RNF157: variants seen among roughly 807,000 people sequenced by gnomAD.
RNF157 encodes E3 ubiquitin ligase RNF157.
RNF157 carries 55 observed loss-of-function variants against 88.3 expected under a neutral mutation model. The ratio of observed to expected loss-of-function variants is 0.62; its 90% CI spans 0.50 to 0.78. The LOEUF is 0.78. Among genes scored for constraint, RNF157 ranks in the 30% least tolerant of loss-of-function variants. RNF157 has a pLI of 0.00. For missense variants in RNF157, 788 were observed against 860.8 expected (o/e 0.92, Z 1.06); for synonymous variants, 334 against 341.2 (o/e 0.98, Z 0.23).
intron 2 of RNF157, among the ~76,000 whole-genome samples, chr17:76,201,852 G>A (rs2069584372): frequency 6.6e-6 from 1 of 151,818 alleles, no homozygotes; most frequent in Non-Finnish European, 1.5e-5. Flanking sequence ...CACTATAATG[G>A]CCATTAGATA....
At position 76,142,551 on chromosome 17, in the gene RNF157, G is replaced by A. The variant is rs1435730307; in HGVS notation, c.*2684C>T. The stretch of plus-strand genomic sequence containing the variant: ...ATATTGCATTCTTGATGTCCCCACT[G>A]TAGTGTGACCACAAGTGTACTCCAG... On this transcript the variant is annotated 3_prime_UTR_variant, in exon 19 of 19. Coordinates refer to ENST00000269391, the MANE Select transcript of RNF157 (RefSeq NM_052916.3). 1 of 152,278 alleles carries A rather than the reference G, an allele frequency of 6.6e-6. No individual in the cohort carries two copies. The highest frequency in any genetic ancestry group is 1.9e-4 in the East Asian group (1 of 5,200). 9.4% of individuals were successfully genotyped at this position (152,278 alleles called of 1,614,324 possible). A position where few individuals can be genotyped will look rare whatever the true frequency, so the allele number is the denominator to read the frequency against.
chr17:76,163,111 G>A (rs2068868959), intron 8 of RNF157: 1 of 153,696 alleles, frequency 6.5e-6, no homozygotes, highest in African/African-American at 2.4e-5. Flanking sequence ...TTGAGGGAGA[G>A]GCTAATGGTG....
At chr17:76,202,204 G>A (rs1283255244) in intron 2 of RNF157, among the ~76,000 whole-genome samples, 4 of 150,766 alleles carry the variant, frequency 2.7e-5, no homozygotes, top group Non-Finnish European at 5.9e-5. Flanking sequence ...CCCACCATGG[G>A]CTTTAGGCCT....
chr17:76,199,128 G>A (rs891883948), intron 2 of RNF157, among the ~76,000 whole-genome samples: 1 of 152,156 alleles, frequency 6.6e-6, no homozygotes, highest in African/African-American at 2.4e-5. Context: ...AGTGATTTGT[G>A]TAACAGAGAG....
In RNF157 at chr17:76,167,073, C is replaced by G; in HGVS notation, c.497G>C (p.Gly166Ala). 6.2e-7 allele frequency: 1 copy of G among 1,613,430 alleles called. No homozygotes were observed. The highest frequency in any genetic ancestry group is 8.5e-7 in the Non-Finnish European group (1 of 1,179,952). Residue 166 changes from glycine (G) to alanine (A), a missense_variant, in exon 5 of 19, where the codon GGA becomes GCA. By Grantham distance (60) the Gly-to-Ala change is moderately conservative. Transcript: ENST00000269391. The stretch of plus-strand genomic sequence containing the variant: ...GGGCAGGCAGAACTGCTGACACACT[C>G]CTCGCTTGTACTGCACAGTCTCCGA... ...LQSETVQYKR[G>A]VCQQFCLPSH...
At chr17:76,222,098 C>G (rs1405975248) in intron 1 of RNF157, among the ~76,000 whole-genome samples, 2 of 152,194 alleles carry the variant, frequency 1.3e-5, no homozygotes, top group Admixed American at 6.6e-5. Context: ...GTGGCGCACA[C>G]CTTTTGGGAG....
At chr17:76,194,932 G>A (rs1048074203) in intron 2 of RNF157, among the ~76,000 whole-genome samples, 5 of 152,184 alleles carry the variant, frequency 3.3e-5, no homozygotes, top group Admixed American at 6.5e-5. Context: ...GCAGAATGGC[G>A]TGAACCCGGG....
intron 2 of RNF157, among the ~76,000 whole-genome samples, chr17:76,177,539 G>C (rs1299320531): frequency 1.3e-5 from 2 of 151,802 alleles, no homozygotes; most frequent in Non-Finnish European, 2.9e-5. Flanking sequence ...GGGGAGAGGC[G>C]AGGGGGTGCT....
In RNF157 at chr17:76,149,277, C is replaced by T. The variant is rs138391323; in HGVS notation, c.1921+3078G>A. 1.1e-4 allele frequency among the ~76,000 whole-genome samples: 16 copies of T among 152,080 alleles called. No homozygotes were observed. In the East Asian group the frequency reaches 2.3e-3, roughly 22 times the overall value. On this transcript the variant is annotated intron_variant, in intron 18 of 18. Coordinates refer to ENST00000269391, the MANE Select transcript of RNF157 (RefSeq NM_052916.3). ...ACCAGCCAGGTCTCCTGGCAGAGCC[C>T]GTGAGCAAGGTGCAGGGCACAGGGA...
intron 1 of RNF157, among the ~76,000 whole-genome samples, chr17:76,212,736 C>A (rs943503781): frequency 3.3e-5 from 5 of 152,004 alleles, no homozygotes; most frequent in African/African-American, 1.2e-4. Flanking sequence ...GTGGCACATG[C>A]CTGTAGTCCC....
intron 7 of RNF157, among the ~76,000 whole-genome samples, 189 bp from the exon 8 acceptor site, chr17:76,164,984 T>A (rs2068900266): frequency 6.6e-6 from 1 of 152,262 alleles, no homozygotes; most frequent in Admixed American, 6.5e-5. Flanking sequence ...AAAGATCACA[T>A]TCAGACTTCT....
chr17:76,149,334 C>T (rs932351138), intron 18 of RNF157, among the ~76,000 whole-genome samples: 2 of 151,952 alleles, frequency 1.3e-5, no homozygotes, highest in Admixed American at 1.3e-4. Context: ...CTCCATTTCC[C>T]ACTGGCCCTC....
chr17:76,205,761 A>AAAT (rs1165444181), intron 2 of RNF157, among the ~76,000 whole-genome samples: 6 of 150,110 alleles, frequency 4.0e-5, no homozygotes, highest in Admixed American at 6.6e-5. Context: ...ATAAATAAAT[A>AAAT]AAATAATAAT....
intron 2 of RNF157, among the ~76,000 whole-genome samples, chr17:76,182,803 TGA>T (rs1294588330): frequency 3.9e-5 from 5 of 128,138 alleles, no homozygotes; most frequent in South Asian, 4.5e-4. Flanking sequence ...GATATATATA[TGA>T]GAGAGATATA....
intron 2 of RNF157, among the ~76,000 whole-genome samples, chr17:76,205,825 A>T (rs1342799437): frequency 6.6e-6 from 1 of 152,168 alleles, no homozygotes; most frequent in Non-Finnish European, 1.5e-5. Context: ...AACTGTGTCA[A>T]TGCGGCCCAG....
rs1268928519 is a variant in RNF157 at position 76,142,597 on chromosome 17, C to A, written c.*2638G>T. 6.6e-6 allele frequency: 1 copy of A among 152,328 alleles called. No individual in the cohort carries two copies. 9.4% of individuals were successfully genotyped at this position (152,328 alleles called of 1,614,324 possible). A position where few individuals can be genotyped will look rare whatever the true frequency, so the allele number is the denominator to read the frequency against. ...TCCAGGGAGAGGGGTACACAGATGGCACAAGCAGTATACACATGCACACAC... is the reference window on the plus strand; with the variant it reads ...TCCAGGGAGAGGGGTACACAGATGGAACAAGCAGTATACACATGCACACAC... On this transcript the variant is annotated 3_prime_UTR_variant, in exon 19 of 19. Transcript: ENST00000269391.
At chr17:76,205,497 T>C (rs1296934986) in intron 2 of RNF157, among the ~76,000 whole-genome samples, 1 of 151,922 alleles carries the variant, frequency 6.6e-6, no homozygotes, top group East Asian at 1.9e-4. Context: ...GAGGCTGAGA[T>C]GGGTAGATCA....
At chr17:76,171,076 T>C (rs2069005453) in intron 3 of RNF157, among the ~76,000 whole-genome samples, 1 of 152,006 alleles carries the variant, frequency 6.6e-6, no homozygotes, top group Non-Finnish European at 1.5e-5. Flanking sequence ...GTATTTTTAG[T>C]GGAGACGGGG....
chr17:76,191,927 A>G (rs2069393371), intron 2 of RNF157, among the ~76,000 whole-genome samples: 1 of 152,246 alleles, frequency 6.6e-6, no homozygotes, highest in Non-Finnish European at 1.5e-5. Flanking sequence ...CTGTTAAGCT[A>G]TTTGACTCGT....
Sources: gnomAD v4.1 joint callset for allele counts (sites outside exome capture counted in the v4.1 genomes callset) on GRCh38, gnomAD v4.1.1 for gene constraint, MANE v1.5 for transcripts, NCBI Gene and HGNC (gene_info 2026-07-23, HGNC 2026-07-21) for gene names.